JCAD: variants seen among roughly 807,000 people sequenced by gnomAD.
The protein encoded by JCAD is junctional cadherin 5-associated protein.
In JCAD, 40 loss-of-function variants were observed where a neutral mutation model predicts 98.0. That is an observed-to-expected ratio of 0.41 (90% CI 0.32 to 0.53). The LOEUF is 0.53. JCAD is among the 20% of genes least tolerant of loss of function. The pLI is 0.31. For synonymous variants in JCAD, 691 were observed against 682.3 expected, an observed-to-expected ratio of 1.01 and a Z score of -0.20; for missense variants, 1,705 against 1,738.1, an observed-to-expected ratio of 0.98 and a Z score of 0.34.
intron 2 of JCAD, among the ~76,000 whole-genome samples, chr10:30,032,667 C>T (rs919627379): frequency 2.6e-5 from 4 of 152,210 alleles, no homozygotes; most frequent in African/African-American, 9.6e-5. Context: ...ATTGCTTATA[C>T]TCTTTCTACT....
At chr10:30,078,902 T>C (rs896840477) in intron 1 of JCAD, among the ~76,000 whole-genome samples, 2 of 152,174 alleles carry the variant, frequency 1.3e-5, no homozygotes, top group African/African-American at 4.8e-5. Flanking sequence ...TGGTCTTCTT[T>C]GTGTGCCCTT....
intron 3 of JCAD, among the ~76,000 whole-genome samples, chr10:30,025,421 G>A (rs561986166): frequency 1.3e-5 from 2 of 151,866 alleles, no homozygotes; most frequent in East Asian, 3.9e-4. Flanking sequence ...AGGAGTCTGA[G>A]GTAGGAGAAT....
At position 30,064,892 on chromosome 10, in the gene JCAD, G is replaced by A. The variant is rs747482744; in HGVS notation, n.250+4808C>T. 1.1e-4 allele frequency among the ~76,000 whole-genome samples: 16 copies of A among 152,158 alleles called. 1 individual carries two copies. Among genetic ancestry groups the A allele is most frequent in the Non-Finnish European group, 1.5e-4 (10 of 68,034 alleles). The stretch of plus-strand genomic sequence containing the variant: ...TCACCATGTTGGTCAGGCTGGTCTC[G>A]AACTCCTGACCTCGTGATCCACCCG... On this transcript the variant is annotated intron_variant and non_coding_transcript_variant, in intron 2 of 2. Transcript: ENST00000465712.
chr10:30,064,872 A>T (rs1019092537), intron 2 of JCAD, among the ~76,000 whole-genome samples: 1 of 152,274 alleles, frequency 6.6e-6, no homozygotes, highest in Admixed American at 6.5e-5. Flanking sequence ...GGGTTTCACC[A>T]TGTTGGTCAG....
intron 2 of JCAD, among the ~76,000 whole-genome samples, chr10:30,069,455 A>G (rs7920344): frequency 0.02 from 2,309 of 116,032 alleles, 73 homozygotes; most frequent in African/African-American, 0.075. Context: ...ACAAAAAAAA[A>G]AAAAAAAAAA....
chr10:30,074,019 C>T (rs1017353224), intron 1 of JCAD, among the ~76,000 whole-genome samples: 5 of 152,002 alleles, frequency 3.3e-5, no homozygotes, highest in Non-Finnish European at 5.9e-5. Flanking sequence ...TGCATATGTA[C>T]GTGTGTGTGA....
At chr10:30,111,775 C>T (rs1838706718) in intron 1 of JCAD, among the ~76,000 whole-genome samples, 1 of 152,120 alleles carries the variant, frequency 6.6e-6, no homozygotes, top group Non-Finnish European at 1.5e-5. Flanking sequence ...CACTTCACAC[C>T]CAGTAGGATG....
intron 1 of JCAD, among the ~76,000 whole-genome samples, chr10:30,108,588 G>T (rs919098139): frequency 4.6e-5 from 7 of 152,148 alleles, no homozygotes; most frequent in African/African-American, 1.7e-4. Context: ...ATTCATTGAA[G>T]ATATCCCAAC....
chr10:30,102,388 C>A (rs1838487549), intron 1 of JCAD, among the ~76,000 whole-genome samples: 1 of 152,108 alleles, frequency 6.6e-6, no homozygotes, highest in Non-Finnish European at 1.5e-5. Flanking sequence ...CCGGCCTGGT[C>A]TCAAACTCCT....
chr10:30,033,932 C>T (rs538200807), intron 2 of JCAD, among the ~76,000 whole-genome samples: 1 of 152,276 alleles, frequency 6.6e-6, no homozygotes, highest in Non-Finnish European at 1.5e-5. Context: ...CCCTCAAACT[C>T]TGTATCCAAG....
chr10:30,027,622 G>T lies in JCAD; in HGVS notation c.2526C>A (p.Leu842=). ...ISQLESFNKE[L]QEEEESSSSS... is the part of the protein sequence containing the mutation. ...TACTGCTGCTTTCTTCCTCTTCCTG[G>T]AGCTCCTTGTTAAAACTTTCTAACT... Residue 842 remains leucine, a synonymous_variant, in exon 3 of 4, where the codon CTC becomes CTA. Transcript: ENST00000375377. 6.2e-7 allele frequency: 1 copy of T among 1,614,176 alleles called. No individual in the cohort carries two copies. The highest frequency in any genetic ancestry group is 8.5e-7 in the Non-Finnish European group (1 of 1,180,048).
rs1179395042 is a variant in JCAD, at chr10:30,014,508, AAAAC to A, written c.*3371_*3374del. On this transcript the variant is annotated 3_prime_UTR_variant, in exon 4 of 4. Coordinates refer to ENST00000375377, the MANE Select transcript of JCAD (RefSeq NM_020848.4). ...TTAATTGTGTATTATTTAATCATTT[AAAAC>A]AAACAATAATAAAAAACTCAGCCAG... is the stretch of plus-strand genomic sequence containing the variant. 1 of 152,224 alleles carries A rather than the reference AAAAC, an allele frequency of 6.6e-6. No homozygotes were observed. The highest frequency in any genetic ancestry group is 1.9e-4 in the East Asian group (1 of 5,204). The allele number at this position is 152,224 out of a possible 1,614,324, so 9.4% of individuals were successfully genotyped here.
intron 1 of JCAD, among the ~76,000 whole-genome samples, chr10:30,050,264 A>C (rs2478834): frequency 6.8e-6 from 1 of 147,142 alleles, no homozygotes; most frequent in Non-Finnish European, 1.5e-5. Context: ...GCCATGAGCC[A>C]AAATCATGCC....
At chr10:30,093,113 T>G (rs1171428859) in intron 1 of JCAD, among the ~76,000 whole-genome samples, 1 of 152,118 alleles carries the variant, frequency 6.6e-6, no homozygotes, top group East Asian at 1.9e-4. Context: ...AATTCAAAAT[T>G]TGCAGATACA....
chr10:30,050,170 C>A (rs993538672), intron 1 of JCAD, among the ~76,000 whole-genome samples: 2 of 151,580 alleles, frequency 1.3e-5, no homozygotes, highest in African/African-American at 4.8e-5. Context: ...CAAAAATTAG[C>A]CAGGCATGAT....
At chr10:30,102,750 T>C (rs970624819) in intron 1 of JCAD, among the ~76,000 whole-genome samples, 2 of 152,188 alleles carry the variant, frequency 1.3e-5, no homozygotes, top group Non-Finnish European at 2.9e-5. Context: ...AATAAACACA[T>C]ACCCAAGACT....
intron 1 of JCAD, among the ~76,000 whole-genome samples, chr10:30,049,347 C>T (rs371727481): frequency 7.9e-5 from 12 of 152,206 alleles, no homozygotes; most frequent in Admixed American, 5.9e-4. Flanking sequence ...CCTGCTGGCC[C>T]GTGTGCAGGT....
chr10:30,041,044 C>T lies in JCAD; in HGVS notation c.281+6488G>A, dbSNP rs532035903. Among the ~76,000 whole-genome samples the T allele has an allele frequency of 2.0e-5, 3 of 152,208 alleles. No homozygotes were observed. The South Asian group carries it at 6.2e-4, about 32-fold the overall frequency. On this transcript the variant is annotated intron_variant, in intron 2 of 3. Coordinates refer to ENST00000375377, the MANE Select transcript of JCAD (RefSeq NM_020848.4). ...TGGATCTTCCTTGTCACTCCAGAAG[C>T]CTGCACCTCCACACCACTGCACCTC...
At chr10:30,018,029 G>T (rs1260219073) in intron 3 of JCAD, 112 bp from the exon 4 acceptor site, 4 of 761,870 alleles carry the variant, frequency 5.3e-6, no homozygotes, top group Admixed American at 5.9e-5. Context: ...AGTGTATAAA[G>T]GTTAATTTTT....
Sources: allele counts gnomAD v4.1 joint callset (sites outside exome capture counted in the v4.1 genomes callset), GRCh38; gene constraint gnomAD v4.1.1; transcripts MANE v1.5; gene names NCBI Gene and HGNC (gene_info 2026-07-23, HGNC 2026-07-21).